Variants in FSTL5 observed in about 807,000 individuals in gnomAD.
FSTL5 encodes follistatin-related protein 5.
FSTL5 carries 62 observed loss-of-function variants against 89.1 expected under a neutral mutation model. The observed-to-expected ratio is 0.70, with a 90% CI of 0.57 to 0.86. FSTL5 has a LOEUF of 0.86. Among genes scored for constraint, FSTL5 ranks in the 40% least tolerant of loss-of-function variants. The probability of loss-of-function intolerance (pLI) is 0.00; values close to 1 mark genes in which losing one functional copy is unlikely to be tolerated. For missense variants in FSTL5, 1,057 were observed against 1,001.6 expected, an observed-to-expected ratio of 1.06 and a Z score of -0.75; for synonymous variants, 383 against 346.2, an observed-to-expected ratio of 1.11 and a Z score of -1.18.
chr4:161,451,707 T>C (rs1396689996), intron 15 of FSTL5, among the ~76,000 whole-genome samples: 1 of 152,218 alleles, frequency 6.6e-6, no homozygotes, highest in Non-Finnish European at 1.5e-5. Flanking sequence ...TCCACAAATT[T>C]GTGTACTCTG....
chr4:161,694,734 G>A (rs953312127), intron 6 of FSTL5, among the ~76,000 whole-genome samples: 1 of 151,426 alleles, frequency 6.6e-6, no homozygotes, highest in Non-Finnish European at 1.5e-5. Flanking sequence ...CTTTAATTTT[G>A]CAATGTGCTA....
intron 10 of FSTL5, among the ~76,000 whole-genome samples, chr4:161,516,072 T>C (rs144039084): frequency 1.3e-5 from 2 of 149,176 alleles, no homozygotes; most frequent in Admixed American, 6.7e-5. Context: ...AATATATATA[T>C]ACACATATAT....
intron 8 of FSTL5, among the ~76,000 whole-genome samples, chr4:161,547,413 C>T (rs962265383): frequency 6.6e-6 from 1 of 151,886 alleles, no homozygotes; most frequent in Non-Finnish European, 1.5e-5. Flanking sequence ...ATTTATTATG[C>T]AGCATAGATA....
chr4:161,640,531 C>T (rs977479977), intron 7 of FSTL5, among the ~76,000 whole-genome samples: 1 of 152,020 alleles, frequency 6.6e-6, no homozygotes, highest in African/African-American at 2.4e-5. Flanking sequence ...GAAAAGTTCA[C>T]TAGTGGGATT....
chr4:161,897,506 C>T (rs967454167), intron 4 of FSTL5, among the ~76,000 whole-genome samples: 2 of 137,488 alleles, frequency 1.5e-5, no homozygotes, highest in Admixed American at 8.1e-5. Flanking sequence ...ACCTGGGAGG[C>T]GGAGGTCACG....
intron 15 of FSTL5, among the ~76,000 whole-genome samples, chr4:161,409,948 T>TA (rs1361797824): frequency 5.9e-5 from 9 of 152,038 alleles, no homozygotes; most frequent in African/African-American, 1.9e-4. Flanking sequence ...GCACGTTGCA[T>TA]AAAAAAACAA....
At chr4:161,959,660 A>G (rs1735117490) in intron 3 of FSTL5, among the ~76,000 whole-genome samples, 1 of 152,156 alleles carries the variant, frequency 6.6e-6, no homozygotes, top group South Asian at 2.1e-4. Flanking sequence ...AGTATTATAT[A>G]TTTAGACTAG....
chr4:161,819,670 A>G (rs1240854258), intron 4 of FSTL5, among the ~76,000 whole-genome samples: 2 of 152,120 alleles, frequency 1.3e-5, no homozygotes, highest in African/African-American at 2.4e-5. Context: ...TAGAAAAAAA[A>G]TCCACCTCAA....
chr4:161,592,876 T>C (rs1330405314), intron 7 of FSTL5, among the ~76,000 whole-genome samples: 1 of 152,210 alleles, frequency 6.6e-6, no homozygotes, highest in Non-Finnish European at 1.5e-5. Flanking sequence ...TGAACTAATT[T>C]ACACTCCCAC....
intron 6 of FSTL5, among the ~76,000 whole-genome samples, chr4:161,717,352 C>T (rs1739023188): frequency 6.6e-6 from 1 of 152,126 alleles, no homozygotes; most frequent in Non-Finnish European, 1.5e-5. Context: ...TTAGGTGAAA[C>T]TATAGCTGGT....
At chr4:161,946,015 C>T (rs1235551810) in intron 3 of FSTL5, among the ~76,000 whole-genome samples, 1 of 152,066 alleles carries the variant, frequency 6.6e-6, no homozygotes, top group East Asian at 1.9e-4. Flanking sequence ...ATTGCATTTT[C>T]ATTTGCATAA....
At chr4:161,443,807 T>A (rs12505470) in intron 15 of FSTL5, among the ~76,000 whole-genome samples, 12,938 of 151,790 alleles carry the variant, frequency 0.085, 718 homozygotes, top group Non-Finnish European at 0.12. Flanking sequence ...GTAGACAAAA[T>A]GAGTAATTAT....
At chr4:161,779,950 G>A (rs1330470185) in intron 4 of FSTL5, among the ~76,000 whole-genome samples, 1 of 147,672 alleles carries the variant, frequency 6.8e-6, no homozygotes, top group Admixed American at 6.8e-5. Flanking sequence ...TAAACTATTA[G>A]AATGTATTGA....
intron 6 of FSTL5, among the ~76,000 whole-genome samples, chr4:161,674,252 T>A (rs924208813): frequency 2.0e-5 from 3 of 152,196 alleles, no homozygotes; most frequent in Middle Eastern, 3.4e-3. Flanking sequence ...ATTTAATGTT[T>A]TAAAGAATTT....
intron 6 of FSTL5, among the ~76,000 whole-genome samples, chr4:161,699,005 A>G (rs185850433): frequency 6.6e-6 from 1 of 152,258 alleles, no homozygotes; most frequent in East Asian, 1.9e-4. Flanking sequence ...TGAATAATTT[A>G]ATTAATTACC....
At chr4:161,772,077 T>A (rs1741229729) in intron 5 of FSTL5, among the ~76,000 whole-genome samples, 1 of 152,046 alleles carries the variant, frequency 6.6e-6, no homozygotes, top group Non-Finnish European at 1.5e-5. Flanking sequence ...TTTTATGTCT[T>A]TTTTTTCTCA....
intron 3 of FSTL5, among the ~76,000 whole-genome samples, chr4:161,948,135 C>A (rs1339470502): frequency 6.6e-6 from 1 of 150,784 alleles, no homozygotes; most frequent in Admixed American, 6.6e-5. Context: ...AAAAAAAAAG[C>A]TGCTGGGTGT....
chr4:161,437,989 T>C (rs1732629627), intron 15 of FSTL5, among the ~76,000 whole-genome samples: 1 of 152,188 alleles, frequency 6.6e-6, no homozygotes, highest in Admixed American at 6.5e-5. Context: ...TTTTCTCATG[T>C]TGGCGGAGGA....
chr4:162,009,965 TTTTG>T (rs1365965966), intron 3 of FSTL5, among the ~76,000 whole-genome samples: 2 of 145,292 alleles, frequency 1.4e-5, no homozygotes, highest in African/African-American at 5.0e-5. Context: ...TTTGCTTTTG[TTTTG>T]TTTGTTTTGT....
Sources: allele counts gnomAD v4.1 joint callset (sites outside exome capture counted in the v4.1 genomes callset), GRCh38; gene constraint gnomAD v4.1.1; transcripts MANE v1.5; gene names NCBI Gene and HGNC (gene_info 2026-07-23, HGNC 2026-07-21).